The following LTBP1 variants were observed in gnomAD, a reference collection of about 807,000 sequenced individuals.
LTBP1 encodes latent transforming growth factor beta binding protein 1, also known as latent-transforming growth factor beta-binding protein 1.
In LTBP1, 129 loss-of-function variants were observed where a neutral mutation model predicts 207.6. That is an observed-to-expected ratio of 0.62 (90% confidence interval 0.54 to 0.72). The LOEUF (loss-of-function observed/expected upper bound fraction) is 0.72. Among genes scored for constraint, LTBP1 ranks in the 30% least tolerant of loss-of-function variants. The pLI is 0.00. For missense variants in LTBP1, 2,281 were observed against 2,217.2 expected, an observed-to-expected ratio of 1.03 and a Z score of -0.58; for synonymous variants, 963 against 833.7, an observed-to-expected ratio of 1.16 and a Z score of -2.67.
intron 15 of LTBP1, among the ~76,000 whole-genome samples, chr2:33,271,010 C>G (rs75116783): frequency 0.018 from 2,689 of 152,240 alleles, 88 homozygotes; most frequent in African/African-American, 0.06. Flanking sequence ...TTTCTCCTAC[C>G]TCAGAGCTGA....
chr2:33,291,503 A>G (rs908652788), intron 19 of LTBP1: 3 of 152,212 alleles, frequency 2.0e-5, no homozygotes, highest in African/African-American at 2.4e-5. Flanking sequence ...TTTGGCTCCA[A>G]TGCTTGGCTT....
Position 33,020,968 on chromosome 2 carries a change from T to G in LTBP1, c.625T>G (p.Cys209Gly). The G allele has an allele frequency of 6.2e-7, 1 of 1,611,722 alleles. No homozygotes were observed. The highest frequency in any genetic ancestry group is 8.5e-7 in the Non-Finnish European group (1 of 1,178,294). The change falls in exon 3 of 34, where the codon TGT (cysteine) becomes GGT (glycine). Residue 209 changes from cysteine (C) to glycine (G), a missense_variant. Transcript: ENST00000404816. ...GMCLRPQLCV[C>G]KPGTKGKACE... The stretch of plus-strand genomic sequence containing the variant: ...GTGTCTCCGGCCACAACTCTGTGTG[T>G]GTAAACCAGGGACCAAGGGCAAAGC...
intron 24 of LTBP1, among the ~76,000 whole-genome samples, chr2:33,331,964 G>T (rs894314159): frequency 1.1e-4 from 16 of 151,882 alleles, no homozygotes; most frequent in Non-Finnish European, 1.5e-4. Context: ...ATAATTATCA[G>T]TAGCATTTTA....
Position 33,118,159 on chromosome 2 carries a change from C to G in LTBP1, c.1033+7408C>G, listed in dbSNP as rs182686647. Among the ~76,000 whole-genome samples, 305 of 151,166 alleles carry G rather than the reference C, an allele frequency of 2.0e-3. 3 individuals are homozygous for G. The highest frequency in any genetic ancestry group is 6.9e-3 in the African/African-American group (285 of 41,106). On this transcript the variant is annotated intron_variant, in intron 4 of 33. Transcript: ENST00000404816. ...ACATGTTTGCAGCATTGAAAGCCCT[C>G]CCTACATGGAGACTACCTTTAACTT...
chr2:33,095,720 C>T (rs2079347041), intron 3 of LTBP1, among the ~76,000 whole-genome samples: 1 of 151,278 alleles, frequency 6.6e-6, no homozygotes, highest in Admixed American at 6.6e-5. Flanking sequence ...CTTAATGAAA[C>T]AAAAGATGGG....
At chr2:33,233,093 C>T (rs973163488) in intron 9 of LTBP1, among the ~76,000 whole-genome samples, 1 of 152,102 alleles carries the variant, frequency 6.6e-6, no homozygotes, top group African/African-American at 2.4e-5. Flanking sequence ...TGTCTTTCCT[C>T]AAATTTGAAA....
At chr2:33,170,426 C>G (rs887129888) in intron 5 of LTBP1, among the ~76,000 whole-genome samples, 1 of 152,168 alleles carries the variant, frequency 6.6e-6, no homozygotes, top group Non-Finnish European at 1.5e-5. Flanking sequence ...TGAGATCAAA[C>G]TGCAAGGCCG....
chr2:33,046,099 C>T (rs2076428668), intron 3 of LTBP1, among the ~76,000 whole-genome samples: 1 of 152,110 alleles, frequency 6.6e-6, no homozygotes, highest in African/African-American at 2.4e-5. Context: ...TTTGAATACC[C>T]TTTCTTTCTT....
chr2:33,184,869 A>G (rs527468359), intron 5 of LTBP1, among the ~76,000 whole-genome samples: 11 of 151,646 alleles, frequency 7.3e-5, no homozygotes, highest in African/African-American at 2.4e-4. Flanking sequence ...GACCTCACAG[A>G]GCTCTGGTTG....
At chr2:33,195,438 A>G (rs1230562133) in intron 7 of LTBP1, among the ~76,000 whole-genome samples, 1 of 152,184 alleles carries the variant, frequency 6.6e-6, no homozygotes, top group Non-Finnish European at 1.5e-5. Context: ...ACCCTTATGG[A>G]TGACTTTGAG....
At chr2:33,320,439 C>G (rs1403021927) in intron 24 of LTBP1, among the ~76,000 whole-genome samples, 2 of 151,400 alleles carry the variant, frequency 1.3e-5, no homozygotes, top group Non-Finnish European at 2.9e-5. Flanking sequence ...TATGGGGGAC[C>G]TGAAGGGTAG....
chr2:33,237,148 G>A (rs569967070), intron 9 of LTBP1, among the ~76,000 whole-genome samples: 25 of 152,322 alleles, frequency 1.6e-4, no homozygotes, highest in Middle Eastern at 3.4e-3. Flanking sequence ...TCACAAAAAT[G>A]TTTCCACAGA....
chr2:33,224,834 A>G (rs2091340594), intron 9 of LTBP1, among the ~76,000 whole-genome samples: 1 of 152,148 alleles, frequency 6.6e-6, no homozygotes, highest in African/African-American at 2.4e-5. Context: ...GTGGTTTATC[A>G]ATGTTACCAA....
At chr2:32,995,697 G>A (rs1241565326) in intron 2 of LTBP1, among the ~76,000 whole-genome samples, 2 of 152,192 alleles carry the variant, frequency 1.3e-5, no homozygotes, top group Non-Finnish European at 2.9e-5. Context: ...GCTGAGGTGG[G>A]AGAATGGCGT....
intron 7 of LTBP1, among the ~76,000 whole-genome samples, chr2:33,190,897 G>A (rs572211778): frequency 1.3e-5 from 2 of 152,316 alleles, no homozygotes; most frequent in East Asian, 1.9e-4. Context: ...GCTTTTGGGA[G>A]AAGGAACATC....
chr2:33,151,821 TTTTGTGTG>T lies in LTBP1; in HGVS notation c.1201+16863_1201+16870del, dbSNP rs1216705474. 2.5e-3 allele frequency among the ~76,000 whole-genome samples: 348 copies of T among 140,836 alleles called. 2 individuals carry two copies. The highest frequency in any genetic ancestry group is 8.1e-3 in the African/African-American group (305 of 37,574). 92.4% of individuals were successfully genotyped at this position (140,836 alleles called of 152,430 possible). A position where few individuals can be genotyped will look rare whatever the true frequency, so the allele number is the denominator to read the frequency against. On this transcript the variant is annotated intron_variant, in intron 5 of 33. Coordinates refer to ENST00000404816, the MANE Select transcript of LTBP1 (RefSeq NM_206943.4). ...CTTTTTATGGCTGAGTAGTATTCCA[TTTTGTGTG>T]TGTGTGTGTGTGTGTGTGTGTGTGT...
intron 5 of LTBP1, among the ~76,000 whole-genome samples, chr2:33,135,212 T>C (rs1199600105): frequency 6.6e-6 from 1 of 152,212 alleles, no homozygotes; most frequent in Non-Finnish European, 1.5e-5. Context: ...CATGTGGTAA[T>C]GGGAATATAT....
At chr2:33,189,215 A>ATT (rs398071263) in intron 7 of LTBP1, among the ~76,000 whole-genome samples, 2 of 151,502 alleles carry the variant, frequency 1.3e-5, no homozygotes, top group Non-Finnish European at 2.9e-5. Flanking sequence ...TGATTGATTG[A>ATT]GTTGGAGTCT....
chr2:33,154,718 G>T (rs991534340), intron 5 of LTBP1, among the ~76,000 whole-genome samples: 31 of 152,100 alleles, frequency 2.0e-4, no homozygotes, highest in African/African-American at 7.2e-4. Context: ...CTGCATCAAA[G>T]GTTATGTGTT....
Sources: gnomAD v4.1 joint callset for allele counts (sites outside exome capture counted in the v4.1 genomes callset) on GRCh38, gnomAD v4.1.1 for gene constraint, MANE v1.5 for transcripts, NCBI Gene and HGNC (gene_info 2026-07-23, HGNC 2026-07-21) for gene names.